Variants in ZNF33B observed in about 807,000 individuals in gnomAD.
ZNF33B encodes the protein zinc finger protein 33B, also known as zinc finger protein 11b (KOX 2).
A neutral mutation model predicts 45.8 loss-of-function variants in ZNF33B; 29 were observed. That is an observed-to-expected ratio of 0.63 (90% CI 0.47 to 0.86). The LOEUF (loss-of-function observed/expected upper bound fraction) is 0.86, where lower values mean the gene tolerates loss of function less well. Ranked by LOEUF, ZNF33B falls within the 40% of genes least tolerant of loss-of-function variation. The probability of loss-of-function intolerance (pLI) is 0.00; values close to 1 mark genes in which losing one functional copy is unlikely to be tolerated. For missense variants in ZNF33B, 831 were observed against 909.9 expected (o/e 0.91, Z 1.12); for synonymous variants, 305 against 307.8 (o/e 0.99, Z 0.10).
At chr10:42,622,928 G>T (rs1394919415) in intron 4 of ZNF33B, among the ~76,000 whole-genome samples, 1 of 152,340 alleles carries the variant, frequency 6.6e-6, no homozygotes, top group Non-Finnish European at 1.5e-5. Context: ...TTTGGGTTTG[G>T]TGATGGATTC....
chr10:42,621,613 C>A (rs1399509241), intron 4 of ZNF33B, among the ~76,000 whole-genome samples: 3 of 151,942 alleles, frequency 2.0e-5, no homozygotes, highest in Admixed American at 6.6e-5. Flanking sequence ...AGGACACGAT[C>A]ATCTCAGTTG....
At chr10:42,602,679 C>T (rs1259105454) in intron 4 of ZNF33B, among the ~76,000 whole-genome samples, 8 of 152,142 alleles carry the variant, frequency 5.3e-5, no homozygotes, top group African/African-American at 1.2e-4. Context: ...CAGTTTGGGG[C>T]ACATTACTCC....
At chr10:42,601,280 T>C (rs1474223302) in intron 4 of ZNF33B, among the ~76,000 whole-genome samples, 2 of 152,126 alleles carry the variant, frequency 1.3e-5, no homozygotes, top group African/African-American at 2.4e-5. Context: ...GTTTTCTTCA[T>C]GCCTCTTGTG....
chr10:42,579,318 G>A (rs66635049), intron 1 of ZNF33B, among the ~76,000 whole-genome samples: 16,523 of 152,226 alleles, frequency 0.11, 1,021 homozygotes, highest in Admixed American at 0.16. Flanking sequence ...CATGTAGTGA[G>A]CATAGAGCGC....
intron 1 of ZNF33B, among the ~76,000 whole-genome samples, chr10:42,637,621 C>T (rs558374339): frequency 2.0e-5 from 3 of 152,258 alleles, no homozygotes; most frequent in East Asian, 3.9e-4. Context: ...ATTATTTTTT[C>T]TTCTAACAAA....
At chr10:42,620,608 C>T (rs115599781) in intron 4 of ZNF33B, among the ~76,000 whole-genome samples, 2,513 of 151,616 alleles carry the variant, frequency 0.017, 73 homozygotes, top group African/African-American at 0.058. Context: ...CGGAGTCTCA[C>T]TTTGTAGACC....
intron 2 of ZNF33B, among the ~76,000 whole-genome samples, chr10:42,636,598 G>T (rs1443471334): frequency 6.6e-6 from 1 of 152,198 alleles, no homozygotes. Flanking sequence ...GAGGCGGGCG[G>T]ATTGCCTGAG....
chr10:42,575,235 G>C (rs553501359), intron 1 of ZNF33B, among the ~76,000 whole-genome samples: 158 of 152,276 alleles, frequency 1.0e-3, no homozygotes, highest in Middle Eastern at 3.4e-3. Context: ...GATCACTCAG[G>C]GAGCTGTGCT....
intron 4 of ZNF33B, among the ~76,000 whole-genome samples, chr10:42,602,716 A>G (rs1325295608): frequency 1.3e-5 from 2 of 152,156 alleles, no homozygotes; most frequent in Admixed American, 6.5e-5. Flanking sequence ...ACCTTTCTGA[A>G]CACTCTACCC....
intron 4 of ZNF33B, among the ~76,000 whole-genome samples, chr10:42,597,746 A>C (rs1279915609): frequency 3.3e-5 from 5 of 152,174 alleles, no homozygotes; most frequent in Non-Finnish European, 7.4e-5. Context: ...TTAAAAAAAT[A>C]CAAGTTTTGG....
At chr10:42,598,434 A>G (rs1035316232) in intron 4 of ZNF33B, among the ~76,000 whole-genome samples, 1 of 152,214 alleles carries the variant, frequency 6.6e-6, no homozygotes, top group Non-Finnish European at 1.5e-5. Context: ...CCCACACACA[A>G]TTCCAGAACA....
At chr10:42,578,005 C>T (rs1005246467) in intron 1 of ZNF33B, among the ~76,000 whole-genome samples, 12 of 152,138 alleles carry the variant, frequency 7.9e-5, no homozygotes, top group African/African-American at 2.7e-4. Context: ...TGAAAACCAC[C>T]CCTCCTCTAG....
At chr10:42,581,238 C>T (rs553244550) in intron 1 of ZNF33B, among the ~76,000 whole-genome samples, 2 of 151,710 alleles carry the variant, frequency 1.3e-5, no homozygotes, top group African/African-American at 2.4e-5. Flanking sequence ...GTAATCCCAG[C>T]GCTTTTGGAG....
intron 4 of ZNF33B, among the ~76,000 whole-genome samples, chr10:42,627,444 C>T (rs1249332799): frequency 4.6e-5 from 7 of 152,060 alleles, no homozygotes; most frequent in Admixed American, 4.6e-4. Flanking sequence ...ATCAATATTG[C>T]TAGATGTTTA....
chr10:42,582,817 G>GGA (rs1442380990), intron 1 of ZNF33B: 3 of 251,912 alleles, frequency 1.2e-5, no homozygotes, highest in African/African-American at 6.6e-5. Context: ...GACACGAGAA[G>GGA]CCTCAGCCCT....
At position 42,593,988 on chromosome 10, in the gene ZNF33B, T is replaced by A; in HGVS notation, c.962A>T (p.Lys321Ile). Residue 321 changes from lysine to isoleucine, a missense_variant, in exon 5 of 5, where the codon AAA (lysine) becomes ATA (isoleucine). Lys to Ile is a moderately radical substitution (Grantham distance 102). Transcript: ENST00000359467. ...RRKLCLSQLQ[K>I]GDKGEKHFEC... is the part of the protein sequence containing the mutation. The stretch of plus-strand genomic sequence containing the variant: ...AAAGTGTTTCTCTCCTTTATCACCT[T>A]TCTGAAGCTGTGACAGACACAATTT... 1 of 1,614,110 alleles carries A rather than the reference T, an allele frequency of 6.2e-7. No individual in the cohort carries two copies. The highest frequency in any genetic ancestry group is 8.5e-7 in the Non-Finnish European group (1 of 1,179,972).
intron 4 of ZNF33B, among the ~76,000 whole-genome samples, chr10:42,626,612 T>C (rs1426992849): frequency 6.6e-6 from 1 of 151,826 alleles, no homozygotes; most frequent in Non-Finnish European, 1.5e-5. Flanking sequence ...CACTTGAACC[T>C]GGGAGGCAGA....
intron 1 of ZNF33B, among the ~76,000 whole-genome samples, chr10:42,580,094 T>C (rs949293815): frequency 3.9e-5 from 6 of 152,134 alleles, no homozygotes; most frequent in Non-Finnish European, 5.9e-5. Context: ...CTAGAGAATA[T>C]AGGTAATATG....
intron 4 of ZNF33B, among the ~76,000 whole-genome samples, chr10:42,622,018 G>A (rs545879559): frequency 3.3e-5 from 5 of 152,248 alleles, no homozygotes; most frequent in Non-Finnish European, 5.9e-5. Context: ...ACAAAAATCC[G>A]TTGTGTTGCT....
Sources: allele counts gnomAD v4.1 joint callset (sites outside exome capture counted in the v4.1 genomes callset), GRCh38; gene constraint gnomAD v4.1.1; transcripts MANE v1.5; gene names NCBI Gene and HGNC (gene_info 2026-07-23, HGNC 2026-07-21).